PCDH15: variants seen among roughly 807,000 people sequenced by gnomAD.
PCDH15 encodes the protein protocadherin related 15, also known as protocadherin-15.
PCDH15 carries 129 observed loss-of-function variants against 178.5 expected under a neutral mutation model. That is an observed-to-expected ratio of 0.72 (90% confidence interval 0.63 to 0.84). The LOEUF (loss-of-function observed/expected upper bound fraction) is 0.84, where lower values mean the gene tolerates loss of function less well. Among genes scored for constraint, PCDH15 ranks in the 40% least tolerant of loss-of-function variants. The pLI is 0.00. For synonymous variants in PCDH15, 800 were observed against 732.0 expected (o/e 1.09, Z -1.50); for missense variants, 2,230 against 2,099.9 (o/e 1.06, Z -1.21).
intron 3 of PCDH15, among the ~76,000 whole-genome samples, chr10:54,410,374 G>C (rs1216752482): frequency 1.3e-5 from 2 of 152,096 alleles, no homozygotes. Flanking sequence ...GAAAGATCAT[G>C]GTTTTGAATT....
chr10:54,303,638 G>A (rs2060281795), intron 8 of PCDH15, among the ~76,000 whole-genome samples: 1 of 151,992 alleles, frequency 6.6e-6, no homozygotes, highest in African/African-American at 2.4e-5. Context: ...TATTAATCAG[G>A]TATACACTCT....
intron 3 of PCDH15, among the ~76,000 whole-genome samples, chr10:54,508,882 G>T (rs1004027505): frequency 1.3e-5 from 2 of 151,916 alleles, no homozygotes; most frequent in African/African-American, 4.8e-5. Flanking sequence ...TGGAATATTT[G>T]TATTACATAA....
chr10:55,562,838 T>C (rs1017538942), intron 2 of PCDH15, among the ~76,000 whole-genome samples: 7 of 152,112 alleles, frequency 4.6e-5, no homozygotes, highest in Non-Finnish European at 8.8e-5. Context: ...TCTGGGAAGA[T>C]GATGGAAAAG....
intron 3 of PCDH15, among the ~76,000 whole-genome samples, chr10:54,824,091 T>A (rs772733014): frequency 2.6e-5 from 4 of 152,286 alleles, no homozygotes; most frequent in Non-Finnish European, 5.9e-5. Context: ...TCTGTCTGAA[T>A]GCCAGTGGAA....
At chr10:54,795,827 C>G (rs1174585844) in intron 1 of PCDH15, among the ~76,000 whole-genome samples, 1 of 151,844 alleles carries the variant, frequency 6.6e-6, no homozygotes, top group Non-Finnish European at 1.5e-5. Context: ...CCTCTGATGA[C>G]AATGCTTTTG....
intron 1 of PCDH15, among the ~76,000 whole-genome samples, chr10:55,186,224 A>G (rs976992684): frequency 2.0e-5 from 3 of 151,652 alleles, no homozygotes; most frequent in Non-Finnish European, 4.4e-5. Flanking sequence ...AATGGATTAA[A>G]GTACATAAAA....
chr10:53,986,165 C>T (rs77799773), intron 21 of PCDH15, among the ~76,000 whole-genome samples: 4 of 148,666 alleles, frequency 2.7e-5, no homozygotes, highest in Admixed American at 6.7e-5. Context: ...ATAACTTTTT[C>T]AAAAAAAAAC....
At chr10:54,307,756 T>C (rs1174365292) in intron 8 of PCDH15, among the ~76,000 whole-genome samples, 2 of 152,016 alleles carry the variant, frequency 1.3e-5, no homozygotes, top group Non-Finnish European at 2.9e-5. Context: ...TAATACTGAA[T>C]TAATTAGAAG....
At chr10:55,362,980 A>T (rs1356711870) in intron 2 of PCDH15, among the ~76,000 whole-genome samples, 1 of 152,192 alleles carries the variant, frequency 6.6e-6, no homozygotes, top group Non-Finnish European at 1.5e-5. Flanking sequence ...AAAATTTCTC[A>T]TAATGTTTTA....
intron 27 of PCDH15, among the ~76,000 whole-genome samples, chr10:53,862,378 T>C (rs1216500033): frequency 6.6e-6 from 1 of 152,116 alleles, no homozygotes; most frequent in Non-Finnish European, 1.5e-5. Context: ...TTTTTACACG[T>C]GCATAATTTT....
At chr10:54,113,639 G>GACACACACAC (rs57193886) in intron 15 of PCDH15, among the ~76,000 whole-genome samples, 3 of 149,750 alleles carry the variant, frequency 2.0e-5, no homozygotes, top group African/African-American at 4.9e-5. Context: ...TCCCAACACA[G>GACACACACAC]ACACACACAC....
At chr10:54,909,170 G>A (rs1047981828) in intron 2 of PCDH15, among the ~76,000 whole-genome samples, 1 of 152,170 alleles carries the variant, frequency 6.6e-6, no homozygotes, top group Non-Finnish European at 1.5e-5. Context: ...GCCCAGAAAA[G>A]GCACCACGAG....
chr10:54,355,064 C>A (rs1403368711), intron 5 of PCDH15, among the ~76,000 whole-genome samples: 1 of 125,716 alleles, frequency 8.0e-6, no homozygotes, highest in East Asian at 2.6e-4. Flanking sequence ...TGGAGAAACT[C>A]TTGGTTTTCA....
In PCDH15 at chr10:54,898,289, T is replaced by C. The variant is rs369344996; in HGVS notation, c.-79-789A>G. Among the ~76,000 whole-genome samples, 15 of 152,314 alleles carry C rather than the reference T, an allele frequency of 9.8e-5. No homozygotes were observed. The East Asian group carries it at 1.7e-3, about 18-fold the overall frequency. On this transcript the variant is annotated intron_variant, in intron 2 of 5. Transcript: ENST00000458638. ...CATATATTTAATATGTTCATTTATT[T>C]AAAAATGGAAGAATGATATATTTCA...
intron 20 of PCDH15, among the ~76,000 whole-genome samples, chr10:54,009,967 G>C (rs1024301331): frequency 7.9e-5 from 12 of 152,268 alleles, no homozygotes; most frequent in Non-Finnish European, 1.6e-4. Context: ...AGACTTGCAT[G>C]CCTCCAGTAA....
At chr10:55,537,270 A>T (rs1027482795) in intron 2 of PCDH15, among the ~76,000 whole-genome samples, 2 of 152,182 alleles carry the variant, frequency 1.3e-5, no homozygotes, top group Admixed American at 6.6e-5. Flanking sequence ...GCAGTTTTTT[A>T]AATAATTTTA....
intron 1 of PCDH15, among the ~76,000 whole-genome samples, chr10:54,699,954 T>C (rs922603382): frequency 6.6e-6 from 1 of 152,082 alleles, no homozygotes; most frequent in African/African-American, 2.4e-5. Context: ...TTAAATATAG[T>C]ATTCCTAAAT....
chr10:55,610,609 G>T (rs994626817), intron 2 of PCDH15, among the ~76,000 whole-genome samples: 4 of 151,970 alleles, frequency 2.6e-5, no homozygotes, highest in African/African-American at 7.2e-5. Context: ...TAAATAAAGG[G>T]CTAAGACGTT....
At chr10:55,049,103 A>G (rs1841088675) in intron 2 of PCDH15, among the ~76,000 whole-genome samples, 1 of 151,984 alleles carries the variant, frequency 6.6e-6, no homozygotes. Context: ...AAATGATCAG[A>G]ATAAATTTTC....
Sources: gnomAD v4.1 joint callset for allele counts (sites outside exome capture counted in the v4.1 genomes callset) on GRCh38, gnomAD v4.1.1 for gene constraint, MANE v1.5 for transcripts, NCBI Gene and HGNC (gene_info 2026-07-23, HGNC 2026-07-21) for gene names.